PDGFC: variants seen among roughly 807,000 people sequenced by gnomAD.
PDGFC encodes platelet derived growth factor C, also known as platelet-derived growth factor C.
In PDGFC, 12 loss-of-function variants were observed where a neutral mutation model predicts 35.5. That is an observed-to-expected ratio of 0.34 (90% CI 0.22 to 0.55). The LOEUF is 0.55. PDGFC is among the 20% of genes least tolerant of loss of function. The pLI is 0.91. For synonymous variants in PDGFC, 159 were observed against 148.8 expected (o/e 1.07, Z -0.50); for missense variants, 322 against 412.4 (o/e 0.78, Z 1.90).
At chr4:156,808,327 G>T (rs1731829179) in intron 3 of PDGFC, among the ~76,000 whole-genome samples, 1 of 152,024 alleles carries the variant, frequency 6.6e-6, no homozygotes, top group Admixed American at 6.6e-5. Context: ...TAAACTAGTA[G>T]TTAATATTAT....
chr4:156,884,932 A>G (rs111816178), intron 1 of PDGFC, among the ~76,000 whole-genome samples: 2,374 of 152,290 alleles, frequency 0.016, 60 homozygotes, highest in African/African-American at 0.054. Flanking sequence ...CCAGTCTATC[A>G]CAAACTCATT....
chr4:156,783,730 A>T (rs1425403167), intron 3 of PDGFC, among the ~76,000 whole-genome samples: 1 of 152,120 alleles, frequency 6.6e-6, no homozygotes, highest in Admixed American at 6.6e-5. Flanking sequence ...CCAAATCTTG[A>T]TGTCTTTTGG....
chr4:156,919,266 G>C (rs192441332), intron 1 of PDGFC, among the ~76,000 whole-genome samples: 1 of 152,254 alleles, frequency 6.6e-6, no homozygotes, highest in African/African-American at 2.4e-5. Flanking sequence ...ACGGAATACA[G>C]GAAAATGCAT....
intron 1 of PDGFC, among the ~76,000 whole-genome samples, chr4:156,938,640 A>T (rs2110899782): frequency 6.6e-6 from 1 of 152,160 alleles, no homozygotes; most frequent in African/African-American, 2.4e-5. Flanking sequence ...ATGTTTGTAA[A>T]AAATAAAGAT....
chr4:156,856,881 G>T (rs934379910), intron 1 of PDGFC, among the ~76,000 whole-genome samples: 2 of 152,060 alleles, frequency 1.3e-5, no homozygotes, highest in African/African-American at 4.8e-5. Context: ...AGCAGAAAGT[G>T]ATAGGACTTA....
chr4:156,836,797 A>T (rs564994125), intron 2 of PDGFC, among the ~76,000 whole-genome samples: 16 of 152,218 alleles, frequency 1.1e-4, no homozygotes, highest in African/African-American at 3.9e-4. Flanking sequence ...GAAAACAATA[A>T]ATTTTTTTTG....
At chr4:156,869,298 T>C (rs780262677) in intron 1 of PDGFC, among the ~76,000 whole-genome samples, 1 of 151,798 alleles carries the variant, frequency 6.6e-6, no homozygotes, top group African/African-American at 2.4e-5. Context: ...TAGCCAGGCA[T>C]GGTGGCGGGT....
chr4:156,914,393 C>A (rs1249697356), intron 1 of PDGFC, among the ~76,000 whole-genome samples: 2 of 152,138 alleles, frequency 1.3e-5, no homozygotes, highest in Non-Finnish European at 2.9e-5. Flanking sequence ...TGGATCTGAA[C>A]TTCCATTGTT....
intron 3 of PDGFC, among the ~76,000 whole-genome samples, chr4:156,776,844 C>T (rs1184833937): frequency 6.6e-6 from 1 of 152,110 alleles, no homozygotes; most frequent in African/African-American, 2.4e-5. Flanking sequence ...CATAATCAAT[C>T]TGTGCCTCAG....
intron 2 of PDGFC, among the ~76,000 whole-genome samples, chr4:156,838,210 T>A (rs969349158): frequency 6.6e-6 from 1 of 152,182 alleles, no homozygotes; most frequent in South Asian, 2.1e-4. Flanking sequence ...GCAGAGATGG[T>A]TATTTTTGTA....
intron 1 of PDGFC, among the ~76,000 whole-genome samples, chr4:156,897,094 TG>T (rs1730649506): frequency 6.6e-6 from 1 of 152,124 alleles, no homozygotes; most frequent in Admixed American, 6.6e-5. Flanking sequence ...CATACTTCTA[TG>T]TAAAATAGGA....
At chr4:156,767,641 T>G in intron 5 of PDGFC, 132 bp downstream of exon 5, 1 of 624,986 alleles carries the variant, frequency 1.6e-6, no homozygotes, top group South Asian at 2.0e-5. Flanking sequence ...AAACATAAAC[T>G]ATTTGTAGAC....
At position 156,971,193 on chromosome 4, in the gene PDGFC, T is replaced by TGAAG; in HGVS notation, c.-294_-291dup. 4.4e-6 allele frequency: 1 copy of TGAAG among 228,228 alleles called. No individual in the cohort carries two copies. 14.1% of individuals were successfully genotyped at this position (228,228 alleles called of 1,614,324 possible). ...TGTGGCGAAGTGGTGGGGGTGGGGG[T>TGAAG]GAAGGCGAGGGAGGAATGAGGGGGT... On this transcript the variant is annotated 5_prime_UTR_variant, in exon 1 of 6. Transcript: ENST00000502773.
chr4:156,774,272 C>T (rs1452226453), intron 3 of PDGFC: 1 of 152,232 alleles, frequency 6.6e-6, no homozygotes, highest in Non-Finnish European at 1.5e-5. Flanking sequence ...GACTACTGCA[C>T]ATATAATATC....
At chr4:156,932,244 C>T (rs944135439) in intron 1 of PDGFC, among the ~76,000 whole-genome samples, 2 of 151,982 alleles carry the variant, frequency 1.3e-5, no homozygotes, top group Admixed American at 6.6e-5. Flanking sequence ...ATAATATTCA[C>T]TTTATGTAGT....
chr4:156,777,315 C>T (rs540099974), intron 3 of PDGFC, among the ~76,000 whole-genome samples: 115 of 152,216 alleles, frequency 7.6e-4, no homozygotes, highest in African/African-American at 2.7e-3. Context: ...TATAGACACA[C>T]GTTGTATTAT....
intron 3 of PDGFC, among the ~76,000 whole-genome samples, chr4:156,808,401 G>A (rs943926536): frequency 1.3e-5 from 2 of 152,118 alleles, no homozygotes; most frequent in South Asian, 4.2e-4. Flanking sequence ...GCAGAGGTAG[G>A]TTTCTAATCA....
intron 3 of PDGFC, 117 bp from the exon 4 acceptor site, chr4:156,773,010 T>C (rs976928400): frequency 4.6e-6 from 3 of 658,842 alleles, no homozygotes; most frequent in Admixed American, 2.5e-5. Flanking sequence ...GGAAATTGTA[T>C]TGAATCCAAT....
At chr4:156,807,317 G>C (rs1731795339) in intron 3 of PDGFC, among the ~76,000 whole-genome samples, 1 of 151,578 alleles carries the variant, frequency 6.6e-6, no homozygotes, top group Non-Finnish European at 1.5e-5. Context: ...TCTAAAACTA[G>C]GTTTAGTTTA....
Sources: allele counts gnomAD v4.1 joint callset (sites outside exome capture counted in the v4.1 genomes callset), GRCh38; gene constraint gnomAD v4.1.1; transcripts MANE v1.5; gene names NCBI Gene and HGNC (gene_info 2026-07-23, HGNC 2026-07-21).